PTPRD: variants seen among roughly 807,000 people sequenced by gnomAD.
PTPRD encodes protein tyrosine phosphatase receptor type D.
Under a neutral mutation model 214.5 loss-of-function variants are expected in PTPRD, and 34 were observed. The ratio of observed to expected loss-of-function variants is 0.16; its 90% confidence interval spans 0.12 to 0.21. The LOEUF is 0.21. Among genes scored for constraint, PTPRD ranks in the 10% least tolerant of loss-of-function variants. The probability of loss-of-function intolerance (pLI) is 1.00; values close to 1 mark genes in which losing one functional copy is unlikely to be tolerated. For synonymous variants in PTPRD, 1,128 were observed against 845.7 expected (o/e 1.33, Z -5.79); for missense variants, 2,545 against 2,398.7 (o/e 1.06, Z -1.27).
chr9:9,469,010 G>C (rs2094414144), intron 8 of PTPRD, among the ~76,000 whole-genome samples: 2 of 151,998 alleles, frequency 1.3e-5, no homozygotes, highest in Admixed American at 1.3e-4. Context: ...TGTGACTTTA[G>C]CATCATAGCT....
chr9:9,719,521 G>A (rs983673354), intron 7 of PTPRD, among the ~76,000 whole-genome samples: 2 of 149,424 alleles, frequency 1.3e-5, no homozygotes, highest in African/African-American at 2.5e-5. Flanking sequence ...CTGGTACCAG[G>A]CAGCTTCCCC....
intron 8 of PTPRD, among the ~76,000 whole-genome samples, chr9:9,556,343 C>T (rs921585590): frequency 1.3e-5 from 2 of 151,934 alleles, no homozygotes; most frequent in Non-Finnish European, 2.9e-5. Context: ...CTCAGGAAAG[C>T]AGAGGAAAAA....
At chr9:9,493,649 G>C (rs2096024910) in intron 8 of PTPRD, among the ~76,000 whole-genome samples, 1 of 151,744 alleles carries the variant, frequency 6.6e-6, no homozygotes, top group Non-Finnish European at 1.5e-5. Flanking sequence ...TTAGCCGGGT[G>C]TGGTGGCGGT....
intron 4 of PTPRD, among the ~76,000 whole-genome samples, chr9:9,995,738 T>C (rs1257429451): frequency 6.6e-6 from 1 of 152,204 alleles, no homozygotes; most frequent in East Asian, 1.9e-4. Flanking sequence ...ATTGTGTTTC[T>C]TGTTGGGACC....
chr9:10,455,741 C>T (rs1194907428), intron 2 of PTPRD, among the ~76,000 whole-genome samples: 5 of 151,652 alleles, frequency 3.3e-5, no homozygotes, highest in Admixed American at 2.6e-4. Flanking sequence ...AACCTTTGTT[C>T]ATTAAGTTGT....
rs181992376 is a variant in PTPRD at position 8,399,043 on chromosome 9, T to C, written c.4210+5494A>G. 5.2e-3 allele frequency among the ~76,000 whole-genome samples: 784 copies of C among 151,772 alleles called. 15 individuals are homozygous for C. The highest frequency in any genetic ancestry group is 0.041 in the Admixed American group (627 of 15,242). On this transcript the variant is annotated intron_variant, in intron 36 of 45. Coordinates refer to ENST00000381196, the MANE Select transcript of PTPRD (RefSeq NM_002839.4). Reference sequence around the variant, plus strand: ...ATGGATAAAACCATTTAAATCTGTTTTGGTGAGAGTCACATAGTAGCCAAT... The same window carrying C: ...ATGGATAAAACCATTTAAATCTGTTCTGGTGAGAGTCACATAGTAGCCAAT...
intron 9 of PTPRD, among the ~76,000 whole-genome samples, chr9:9,303,141 G>T (rs1211960903): frequency 6.6e-6 from 1 of 151,930 alleles, no homozygotes; most frequent in African/African-American, 2.4e-5. Flanking sequence ...GAAATAAACT[G>T]AATGAAGCCA....
At chr9:8,558,130 G>C (rs1000579010) in intron 14 of PTPRD, among the ~76,000 whole-genome samples, 2 of 152,160 alleles carry the variant, frequency 1.3e-5, no homozygotes, top group South Asian at 4.1e-4. Context: ...CAGAGAGACG[G>C]ACAAAGCAGG....
Position 8,725,468 on chromosome 9 carries a change from C to G in PTPRD, c.64+8312G>C, listed in dbSNP as rs117122486. On this transcript the variant is annotated intron_variant, in intron 12 of 45. Coordinates refer to ENST00000381196, the MANE Select transcript of PTPRD (RefSeq NM_002839.4). The stretch of plus-strand genomic sequence containing the variant: ...TGAATGAGCCAATCAGTCAATGTCC[C>G]TTGAAATCATAAATGTATATAAATA... Among the ~76,000 whole-genome samples the G allele has an allele frequency of 5.7e-4, 87 of 152,084 alleles. No individual in the cohort carries two copies. The East Asian group carries it at 0.015, about 26-fold the overall frequency.
chr9:9,950,722 CAAAAAAAAAAAAAAAAAAA>C (rs922771507), intron 4 of PTPRD, among the ~76,000 whole-genome samples: 10 of 2,664 alleles, frequency 3.8e-3, no homozygotes, highest in Admixed American at 0.027. Flanking sequence ...GACTCCGTCT[CAAAAAAAAAAAAAAAAAAA>C]AAAAAAAAAA....
intron 5 of PTPRD, among the ~76,000 whole-genome samples, chr9:9,837,252 C>T (rs149988367): frequency 9.1e-4 from 139 of 152,070 alleles, no homozygotes; most frequent in African/African-American, 2.7e-3. Flanking sequence ...CCAGGAATAC[C>T]GTAGCTGACA....
Position 8,443,044 on chromosome 9 carries a change from T to C in PTPRD, c.3989-6355A>G, listed in dbSNP as rs534721778. On this transcript the variant is annotated intron_variant, in intron 34 of 45. Coordinates refer to ENST00000381196, the MANE Select transcript of PTPRD (RefSeq NM_002839.4). Reference sequence around the variant, plus strand: ...CCTGTGGTCCCAGCTACTTGGGAGGTTGAGGTGGGTGGATTACTTAAGCGT... The same window carrying C: ...CCTGTGGTCCCAGCTACTTGGGAGGCTGAGGTGGGTGGATTACTTAAGCGT... Among the ~76,000 whole-genome samples the C allele has an allele frequency of 5.9e-5, 9 of 151,986 alleles. No individual in the cohort carries two copies. In the South Asian group the frequency reaches 1.0e-3, roughly 18 times the overall value.
chr9:8,334,268 C>T (rs1430424158), intron 43 of PTPRD, among the ~76,000 whole-genome samples: 1 of 151,966 alleles, frequency 6.6e-6, no homozygotes, highest in Non-Finnish European at 1.5e-5. Flanking sequence ...CTAACATTGA[C>T]CACATAATTG....
At chr9:10,165,902 C>T (rs2099156128) in intron 3 of PTPRD, among the ~76,000 whole-genome samples, 2 of 150,666 alleles carry the variant, frequency 1.3e-5, no homozygotes, top group African/African-American at 4.8e-5. Flanking sequence ...TATATAAATA[C>T]ACATGTCAAT....
At chr9:9,313,500 T>A (rs1467819238) in intron 9 of PTPRD, among the ~76,000 whole-genome samples, 1 of 152,172 alleles carries the variant, frequency 6.6e-6, no homozygotes, top group Non-Finnish European at 1.5e-5. Flanking sequence ...TGAGAGATCC[T>A]GGTAGGAATC....
chr9:9,333,494 A>ATATAC (rs924609719), intron 9 of PTPRD, among the ~76,000 whole-genome samples: 2 of 118,772 alleles, frequency 1.7e-5, no homozygotes, highest in African/African-American at 7.3e-5. Flanking sequence ...CATATATATT[A>ATATAC]TATAGTATAT....
At chr9:8,506,674 C>T (rs1045069633) in intron 22 of PTPRD, among the ~76,000 whole-genome samples, 2 of 152,132 alleles carry the variant, frequency 1.3e-5, no homozygotes, top group Non-Finnish European at 2.9e-5. Context: ...GATGGTGAAA[C>T]CCTTAGAACA....
intron 7 of PTPRD, among the ~76,000 whole-genome samples, chr9:9,724,541 T>C (rs2098040171): frequency 6.6e-6 from 1 of 152,140 alleles, no homozygotes; most frequent in Admixed American, 6.6e-5. Flanking sequence ...AGCAGCCAAC[T>C]ATATTCAACT....
At chr9:9,017,916 C>A (rs553497781) in intron 11 of PTPRD, among the ~76,000 whole-genome samples, 1 of 152,062 alleles carries the variant, frequency 6.6e-6, no homozygotes, top group African/African-American at 2.4e-5. Flanking sequence ...TATCGTGTCT[C>A]TATATTTAGT....
Sources: gnomAD v4.1 joint callset for allele counts (sites outside exome capture counted in the v4.1 genomes callset) on GRCh38, gnomAD v4.1.1 for gene constraint, MANE v1.5 for transcripts, NCBI Gene and HGNC (gene_info 2026-07-23, HGNC 2026-07-21) for gene names.